PIK3R4: variants seen among roughly 807,000 people sequenced by gnomAD.
PIK3R4 encodes phosphoinositide 3-kinase regulatory subunit 4.
PIK3R4 carries 46 observed loss-of-function variants against 136.5 expected under a neutral mutation model. The observed-to-expected ratio is 0.34, with a 90% CI of 0.27 to 0.43. PIK3R4 has a LOEUF of 0.43. Among genes scored for constraint, PIK3R4 ranks in the 20% least tolerant of loss-of-function variants. The pLI is 1.00. For missense variants in PIK3R4, 1,331 were observed against 1,649.5 expected (o/e 0.81, Z 3.35); for synonymous variants, 557 against 566.7 (o/e 0.98, Z 0.24).
intron 9 of PIK3R4, among the ~76,000 whole-genome samples, chr3:130,713,652 A>C (rs893221759): frequency 6.6e-6 from 1 of 152,158 alleles, no homozygotes; most frequent in Admixed American, 6.5e-5. Context: ...TGATAAGGAA[A>C]AGAAAATGTC....
At chr3:130,693,884 TTTC>T (rs1418176408) in intron 13 of PIK3R4, among the ~76,000 whole-genome samples, 2 of 152,158 alleles carry the variant, frequency 1.3e-5, no homozygotes, top group Admixed American at 1.3e-4. Flanking sequence ...ATGCCTATGT[TTTC>T]TTCTAAGTTT....
chr3:130,684,994 G>C (rs1028242772), intron 15 of PIK3R4, among the ~76,000 whole-genome samples: 11 of 152,300 alleles, frequency 7.2e-5, no homozygotes, highest in Admixed American at 3.9e-4. Context: ...TAACAAATAT[G>C]AGTTAGGGAA....
In PIK3R4 at chr3:130,728,533, G is replaced by A. The variant is rs2066745248; in HGVS notation, c.1737C>T (p.Ser579=). ...GRQKANDVLL[S]HMITFLNDKN... is the part of the protein sequence containing the mutation. The stretch of plus-strand genomic sequence containing the variant: ...TATCATTTAGGAAAGTAATCATGTG[G>A]GACAACAAAACATCGTTGGCTTTCT... The change falls in exon 6 of 20, where the codon TCC becomes TCT. Residue 579 remains serine (S), a synonymous_variant. Transcript: ENST00000356763. 5 of 1,613,408 alleles carry A rather than the reference G, an allele frequency of 3.1e-6. No homozygotes were observed. The East Asian group carries it at 8.9e-5, about 29-fold the overall frequency.
chr3:130,728,144 ATTCT>A (rs1282268224), intron 6 of PIK3R4, among the ~76,000 whole-genome samples: 1 of 152,232 alleles, frequency 6.6e-6, no homozygotes, highest in Non-Finnish European at 1.5e-5. Flanking sequence ...TACAGCAATC[ATTCT>A]TTAAGAGGAT....
chr3:130,694,309 G>GA (rs530657437), intron 13 of PIK3R4, among the ~76,000 whole-genome samples: 23 of 145,758 alleles, frequency 1.6e-4, no homozygotes, highest in South Asian at 2.2e-4. Flanking sequence ...CGATTTCAGG[G>GA]AAAAAAAAAA....
intron 13 of PIK3R4, among the ~76,000 whole-genome samples, chr3:130,698,877 A>C (rs2066561196): frequency 6.6e-6 from 1 of 152,238 alleles, no homozygotes; most frequent in South Asian, 2.1e-4. Context: ...GTCTCTGTTC[A>C]GTTAGGTAAG....
intron 4 of PIK3R4, among the ~76,000 whole-genome samples, chr3:130,731,285 C>T (rs1167204247): frequency 6.6e-6 from 1 of 152,170 alleles, no homozygotes; most frequent in East Asian, 1.9e-4. Flanking sequence ...AGTTTAACTA[C>T]CTTAAACTTA....
Position 130,728,504 on chromosome 3 carries a change from T to C in PIK3R4, c.1766A>G (p.Asn589Ser). 1.2e-6 allele frequency: 2 copies of C among 1,613,456 alleles called. No homozygotes were observed. ...AAATGCTCCACGTAGATGCCAATCA[T>C]TCTTATCATTTAGGAAAGTAATCAT... ...SHMITFLNDK[N>S]DWHLRGAFFD... The change falls in exon 6 of 20, where the codon AAT becomes AGT. Residue 589 changes from asparagine to serine, a missense_variant. Coordinates refer to ENST00000356763, the MANE Select transcript of PIK3R4 (RefSeq NM_014602.3).
chr3:130,720,324 T>C (rs555219706), intron 7 of PIK3R4, among the ~76,000 whole-genome samples: 1 of 152,098 alleles, frequency 6.6e-6, no homozygotes, highest in Non-Finnish European at 1.5e-5. Flanking sequence ...GCCTCCCGAG[T>C]AGCTAGGATT....
chr3:130,684,410 C>T, intron 15 of PIK3R4, 29 bp from the exon 16 acceptor site: 1 of 1,599,492 alleles, frequency 6.3e-7, no homozygotes. Flanking sequence ...AAAAGATTAC[C>T]ATCTAATGAT....
chr3:130,690,509 T>C lies in PIK3R4; in HGVS notation c.3244A>G (p.Ile1082Val). Reference sequence around the variant, plus strand: ...AGATACCTGCTTTGTAGAGGATGGATTTTAGGAGACTTGGGCAGCTTAGAA... The same window carrying C: ...AGATACCTGCTTTGTAGAGGATGGACTTTAGGAGACTTGGGCAGCTTAGAA... The part of the protein sequence containing the change: ...EASKLPKSPK[I>V]HPLQSRILDQ... Residue 1082 changes from isoleucine (I) to valine (V), a missense_variant, in exon 14 of 20, where the codon ATC becomes GTC. Around this residue, in one of 2 missense-constraint regions of PIK3R4, gnomAD observed 1,180 missense variants for 1,407.0 expected, o/e 0.84. Coordinates refer to ENST00000356763, the MANE Select transcript of PIK3R4 (RefSeq NM_014602.3). The C allele has an allele frequency of 1.9e-6, 3 of 1,612,554 alleles. No individual in the cohort carries two copies. The highest frequency in any genetic ancestry group is 2.5e-6 in the Non-Finnish European group (3 of 1,179,150).
rs546657579 is a variant in PIK3R4 at position 130,738,270 on chromosome 3, A to G, written c.734-2268T>C. 4.1e-4 allele frequency among the ~76,000 whole-genome samples: 63 copies of G among 152,358 alleles called. 1 individual carries two copies. The South Asian group carries it at 0.013, about 32-fold the overall frequency. On this transcript the variant is annotated intron_variant, in intron 2 of 19. Transcript: ENST00000356763. ...AAGTTTAAGGTAGGGTAAGCTATGAAGTTCAATAAGTTAGGTGTATTAAAT... is the reference window on the plus strand; with the variant it reads ...AAGTTTAAGGTAGGGTAAGCTATGAGGTTCAATAAGTTAGGTGTATTAAAT...
chr3:130,707,106 C>T lies in PIK3R4; in HGVS notation c.2563G>A (p.Val855Ile). The change falls in exon 11 of 20, where the codon GTA becomes ATA. Residue 855 changes from valine (V) to isoleucine (I), a missense_variant. By Grantham distance (29) the Val-to-Ile change is conservative (BLOSUM62 3). Around this residue, in one of 2 missense-constraint regions of PIK3R4, gnomAD observed 1,180 missense variants for 1,407.0 expected, o/e 0.84. Coordinates refer to ENST00000356763, the MANE Select transcript of PIK3R4 (RefSeq NM_014602.3). ...AACATGCTTTTCCATTCTTCATTTACATTTGAGTCTTGTTTTACATGTTTT... is the reference window on the plus strand; with the variant it reads ...AACATGCTTTTCCATTCTTCATTTATATTTGAGTCTTGTTTTACATGTTTT... ...ARKHVKQDSNVNEEWKSMFGS... is the reference protein window; with the variant it reads ...ARKHVKQDSNINEEWKSMFGS... 1 of 1,606,820 alleles carries T rather than the reference C, an allele frequency of 6.2e-7. No individual in the cohort carries two copies. Among genetic ancestry groups the T allele is most frequent in the Non-Finnish European group, 8.5e-7 (1 of 1,177,308 alleles).
chr3:130,707,337 T>C (rs1559824223), intron 10 of PIK3R4, among the ~76,000 whole-genome samples: 1 of 152,214 alleles, frequency 6.6e-6, no homozygotes, highest in African/African-American at 2.4e-5. Context: ...AGATGGAACA[T>C]ATGTGCTTCC....
rs373321373 is a variant in PIK3R4 at position 130,733,965 on chromosome 3, C to T, written c.1033G>A (p.Val345Ile). ...ATGTTGCCCAAATCCTTCCGTATAACCAGAATACGCTCATCTGCAGAAAGA... is the reference window on the plus strand; with the variant it reads ...ATGTTGCCCAAATCCTTCCGTATAATCAGAATACGCTCATCTGCAGAAAGA... ...TFLSADERIL[V>I]IRKDLGNIIH... The change falls in exon 4 of 20, where the codon GTT (valine) becomes ATT (isoleucine). Residue 345 changes from valine (V) to isoleucine (I), a missense_variant. Physicochemically the swap from Val to Ile is conservative, Grantham distance 29 (BLOSUM62 3). Transcript: ENST00000356763. 4.3e-6 allele frequency: 7 copies of T among 1,613,976 alleles called. No homozygotes were observed. The highest frequency in any genetic ancestry group is 5.9e-6 in the Non-Finnish European group (7 of 1,180,004).
chr3:130,722,797 C>G (rs2066708886), intron 7 of PIK3R4, among the ~76,000 whole-genome samples: 1 of 151,250 alleles, frequency 6.6e-6, no homozygotes. Context: ...TGGCTCGTGC[C>G]TGTAATCCCA....
intron 12 of PIK3R4, 102 bp from the exon 13 acceptor site, chr3:130,703,990 T>C (rs895743493): frequency 2.7e-6 from 2 of 750,834 alleles, no homozygotes; most frequent in Non-Finnish European, 4.4e-6. Flanking sequence ...AAAACAATCA[T>C]AAGAACTAAA....
chr3:130,681,789 G>A (rs192907695), intron 16 of PIK3R4, among the ~76,000 whole-genome samples, 198 bp from the exon 17 acceptor site: 134 of 152,210 alleles, frequency 8.8e-4, no homozygotes, highest in Middle Eastern at 3.4e-3. Flanking sequence ...GCTAGTCACT[G>A]CGCTAGGCAC....
At chr3:130,731,843 G>A (rs926706672) in intron 4 of PIK3R4, among the ~76,000 whole-genome samples, 29 of 152,148 alleles carry the variant, frequency 1.9e-4, no homozygotes, top group African/African-American at 5.6e-4. Context: ...TTAAAAGACC[G>A]CAAATTAGCC....
Sources: gnomAD v4.1 joint callset for allele counts (sites outside exome capture counted in the v4.1 genomes callset) on GRCh38, gnomAD v4.1.1 for gene constraint, gnomAD v4.1.1 regional missense constraint, MANE v1.5 for transcripts, NCBI Gene and HGNC (gene_info 2026-07-23, HGNC 2026-07-21) for gene names.